The following SLIT1 variants were observed in gnomAD, a reference collection of about 807,000 sequenced individuals.
SLIT1 encodes slit homolog 1 protein.
SLIT1 carries 66 observed loss-of-function variants against 186.1 expected under a neutral mutation model. The observed-to-expected ratio is 0.35, with a 90% confidence interval of 0.29 to 0.44. SLIT1 has a LOEUF of 0.44. SLIT1 is among the 20% of genes least tolerant of loss of function. SLIT1 has a pLI of 1.00. For missense variants in SLIT1, 1,638 were observed against 2,037.4 expected (o/e 0.80, Z 3.77); for synonymous variants, 761 against 833.8 (o/e 0.91, Z 1.50).
intron 4 of SLIT1, among the ~76,000 whole-genome samples, chr10:97,122,205 G>A (rs1332357415): frequency 6.6e-6 from 1 of 152,218 alleles, no homozygotes; most frequent in African/African-American, 2.4e-5. Context: ...GTCTTGAGAT[G>A]AGTACCAACA....
chr10:97,106,203 C>T (rs1183770422), intron 4 of SLIT1, among the ~76,000 whole-genome samples: 3 of 152,120 alleles, frequency 2.0e-5, no homozygotes, highest in Non-Finnish European at 2.9e-5. Context: ...AAACAGAATC[C>T]CATCAAAGCC....
Position 97,039,972 on chromosome 10 carries a change from G to T in SLIT1, c.2297+16C>A, listed in dbSNP as rs1044664391. On this transcript the variant is annotated intron_variant, in intron 21 of 36. Coordinates refer to ENST00000266058, the MANE Select transcript of SLIT1 (RefSeq NM_003061.3). ...TGTGGACCCACGTGAAGGGGGCAAG[G>T]CCTTGAGCTACTCACAGTTCTGTGA... is the stretch of plus-strand genomic sequence containing the variant. The T allele has an allele frequency of 6.2e-7, 1 of 1,613,262 alleles. No individual in the cohort carries two copies. Among genetic ancestry groups the T allele is most frequent in the African/African-American group, 1.3e-5 (1 of 75,042 alleles).
chr10:97,078,308 C>T (rs1326430963), intron 4 of SLIT1, among the ~76,000 whole-genome samples: 10 of 151,878 alleles, frequency 6.6e-5, no homozygotes, highest in Admixed American at 5.9e-4. Flanking sequence ...AGAGGTGCGC[C>T]CCTTCCCTGC....
At chr10:97,041,341 T>G (rs895899955) in intron 20 of SLIT1, among the ~76,000 whole-genome samples, 4 of 151,244 alleles carry the variant, frequency 2.6e-5, no homozygotes, top group Non-Finnish European at 2.9e-5. Context: ...CAGGTGGCCC[T>G]GCAAGATCCT....
chr10:97,046,968 C>T (rs1208491883), intron 17 of SLIT1, 23 bp downstream of exon 17: 2 of 1,594,268 alleles, frequency 1.3e-6, no homozygotes, highest in Non-Finnish European at 1.7e-6. Context: ...CAACAGACAC[C>T]TTCTCGCCAA....
chr10:97,046,411 A>G (rs145996982), intron 18 of SLIT1, among the ~76,000 whole-genome samples: 79 of 152,352 alleles, frequency 5.2e-4, no homozygotes, highest in African/African-American at 1.9e-3. Context: ...AAGGGTCCAC[A>G]TGTCTCCATC....
intron 1 of SLIT1, 88 bp downstream of exon 1, chr10:97,185,390 G>C: frequency 1.5e-6 from 2 of 1,351,394 alleles, no homozygotes; most frequent in South Asian, 2.7e-5. Flanking sequence ...GGCCCCAATG[G>C]TCCTGCCCCC....
In SLIT1 at chr10:97,048,937, G is replaced by A. The variant is rs1848762409; in HGVS notation, c.1465+18C>T. 2 of 1,601,922 alleles carry A rather than the reference G, an allele frequency of 1.2e-6. No homozygotes were observed. Among genetic ancestry groups the A allele is most frequent in the Admixed American group, 1.7e-5 (1 of 59,972 alleles). On this transcript the variant is annotated intron_variant, in intron 14 of 36. Transcript: ENST00000266058. ...CAGGTAGGTGGACAGGTGGGCAGGT[G>A]GGCAGGCGGGCAGGTACCTGAGCAC...
chr10:97,060,288 A>G lies in SLIT1; in HGVS notation c.942-130T>C, dbSNP rs935489893. Reference sequence around the variant, plus strand: ...CCCCTGCTCCCTTCCCACTTCCAGAAGTTGAAGTCTGGGGTAAGGACGCCG... The same window carrying G: ...CCCCTGCTCCCTTCCCACTTCCAGAGGTTGAAGTCTGGGGTAAGGACGCCG... On this transcript the variant is annotated intron_variant, in intron 9 of 36. Transcript: ENST00000266058. The G allele has an allele frequency of 1.3e-5, 10 of 776,306 alleles. No homozygotes were observed. In the African/African-American group the frequency reaches 1.7e-4, roughly 13 times the overall value. 48.1% of individuals were successfully genotyped at this position (776,306 alleles called of 1,614,324 possible).
Position 97,021,530 on chromosome 10 carries a change from A to T in SLIT1, c.2583-117T>A. The T allele has an allele frequency of 1.2e-6, 1 of 855,114 alleles. No individual in the cohort carries two copies. The highest frequency in any genetic ancestry group is 1.8e-6 in the Non-Finnish European group (1 of 560,038). The allele number at this position is 855,114 out of a possible 1,614,324, so 53.0% of individuals were successfully genotyped here. On this transcript the variant is annotated intron_variant, in intron 25 of 36. Transcript: ENST00000266058. The surrounding 1 kb of genome is among the most constrained non-coding windows in gnomAD (Gnocchi z 4.5). ...TGGCAAAAATCTTAGCCTCCATTTC[A>T]TGAGCATTTACTGTATAGTCAGTGC...
chr10:97,002,317 A>G lies in SLIT1; in HGVS notation c.4207T>C (p.Cys1403Arg). The change falls in exon 36 of 37, where the codon TGC becomes CGC. Residue 1403 changes from cysteine to arginine, a missense_variant. Cys to Arg is a radical substitution (Grantham distance 180). Coordinates refer to ENST00000266058, the MANE Select transcript of SLIT1 (RefSeq NM_003061.3). The stretch of plus-strand genomic sequence containing the variant: ...AGTGCCCCCGAGTACCCATCCTGGC[A>G]CTGGCAGCTGTAGGAAAGAGCGTCG... ...PLDALSYSCQ[C>R]QDGYSGALCN... 6.2e-7 allele frequency: 1 copy of G among 1,611,672 alleles called. No homozygotes were observed. Among genetic ancestry groups the G allele is most frequent in the Non-Finnish European group, 8.5e-7 (1 of 1,179,530 alleles).
intron 4 of SLIT1, among the ~76,000 whole-genome samples, chr10:97,138,648 T>TG (rs112719864): frequency 0.5 from 37,440 of 74,946 alleles, 4,682 homozygotes; most frequent in East Asian, 0.58. Context: ...TGTAGGAAAC[T>TG]GTTTTTTTTT....
At chr10:97,139,365 G>T (rs1849735478) in intron 4 of SLIT1, among the ~76,000 whole-genome samples, 1 of 152,226 alleles carries the variant, frequency 6.6e-6, no homozygotes, top group South Asian at 2.1e-4. Flanking sequence ...CCCTCAAACG[G>T]AGCATCCCCA....
Position 97,043,152 on chromosome 10 carries a change from G to T in SLIT1, c.1998-85C>A. On this transcript the variant is annotated intron_variant, in intron 19 of 36. Transcript: ENST00000266058. This position sits in a 1 kb window ranked among gnomAD's most constrained non-coding sequence, Gnocchi z 7.0. ...AACCCCTCCTGTACCACGGACACAG[G>T]GCCACATGGCCACATGGCACTGTCT... 2 of 1,392,750 alleles carry T rather than the reference G, an allele frequency of 1.4e-6. No individual in the cohort carries two copies. Among genetic ancestry groups the T allele is most frequent in the Non-Finnish European group, 2.0e-6 (2 of 1,009,318 alleles). 86.3% of individuals were successfully genotyped at this position (1,392,750 alleles called of 1,614,324 possible).
At chr10:97,107,440 C>T (rs1433570213) in intron 4 of SLIT1, among the ~76,000 whole-genome samples, 3 of 152,180 alleles carry the variant, frequency 2.0e-5, no homozygotes, top group African/African-American at 7.2e-5. Context: ...CTCCCCTTCT[C>T]CCCAGAAACC....
chr10:97,079,643 G>A (rs948740970), intron 4 of SLIT1, among the ~76,000 whole-genome samples: 2 of 152,210 alleles, frequency 1.3e-5, no homozygotes, highest in Non-Finnish European at 1.5e-5. Context: ...GAAACTGCAC[G>A]GAGGACAGTG....
At chr10:97,108,190 T>A (rs1849431891) in intron 4 of SLIT1, among the ~76,000 whole-genome samples, 1 of 152,174 alleles carries the variant, frequency 6.6e-6, no homozygotes, top group Non-Finnish European at 1.5e-5. Flanking sequence ...TGTGGGCACC[T>A]CTGTGAGGAC....
chr10:97,011,537 G>C (rs1318510263), intron 30 of SLIT1, among the ~76,000 whole-genome samples: 1 of 152,046 alleles, frequency 6.6e-6, no homozygotes, highest in Admixed American at 6.5e-5. Flanking sequence ...CCATGTGACT[G>C]AGTTCCACAG....
intron 11 of SLIT1, 74 bp from the exon 12 acceptor site, chr10:97,057,355 C>G: frequency 8.0e-7 from 1 of 1,248,336 alleles, no homozygotes; most frequent in East Asian, 2.3e-5. Flanking sequence ...GCAGACGGCC[C>G]CAGCTCAACA....
Sources: gnomAD v4.1 joint callset for allele counts (sites outside exome capture counted in the v4.1 genomes callset) on GRCh38, gnomAD v4.1.1 for gene constraint, Gnocchi (gnomAD v3.1) non-coding constraint, MANE v1.5 for transcripts, NCBI Gene and HGNC (gene_info 2026-07-23, HGNC 2026-07-21) for gene names.